ATP7A: variants seen among roughly 807,000 people sequenced by gnomAD.
ATP7A encodes copper-transporting ATPase 1.
ATP7A carries 7 observed loss-of-function variants against 83.5 expected under a neutral mutation model. The observed-to-expected ratio is 0.08, with a 90% CI of 0.05 to 0.16. ATP7A has a LOEUF of 0.16. ATP7A is among the 10% of genes least tolerant of loss of function. ATP7A has a pLI of 1.00. For missense variants in ATP7A, 940 were observed against 1,120.8 expected, an observed-to-expected ratio of 0.84 and a Z score of 2.30; for synonymous variants, 354 against 395.2, an observed-to-expected ratio of 0.90 and a Z score of 1.24.
At chrX:78,003,961 A>G (rs1309359868) in intron 6 of ATP7A, among the ~76,000 whole-genome samples, 1 of 111,444 alleles carries the variant, frequency 9.0e-6, no homozygotes, top group Non-Finnish European at 1.9e-5. Context: ...AGGAATGTGA[A>G]CATTCATAAG....
chrX:77,939,113 T>C (rs1557225364), intron 1 of ATP7A, among the ~76,000 whole-genome samples: 1 of 111,179 alleles, frequency 9.0e-6, no homozygotes, highest in Non-Finnish European at 1.9e-5. Flanking sequence ...CTGGCCAACA[T>C]GGCAAAACCC....
At chrX:78,008,651 C>A (rs2077794348) in intron 6 of ATP7A, among the ~76,000 whole-genome samples, 1 of 110,700 alleles carries the variant, frequency 9.0e-6, no homozygotes, top group African/African-American at 3.3e-5. Context: ...TATCTGGGAC[C>A]ATATATTTGT....
intron 1 of ATP7A, among the ~76,000 whole-genome samples, chrX:77,937,621 TC>T (rs2077327027): frequency 8.9e-6 from 1 of 112,020 alleles, no homozygotes; most frequent in South Asian, 3.6e-4. Flanking sequence ...TGGAATATAC[TC>T]CTTGATTCGT....
intron 1 of ATP7A, among the ~76,000 whole-genome samples, chrX:77,922,244 C>T (rs1383017727): frequency 9.0e-6 from 1 of 111,649 alleles, no homozygotes; most frequent in African/African-American, 3.3e-5. Flanking sequence ...GTGGCTCACG[C>T]CTGTAATCCC....
At chrX:78,021,884 T>C (rs2077908046) in intron 14 of ATP7A, among the ~76,000 whole-genome samples, 1 of 111,233 alleles carries the variant, frequency 9.0e-6, no homozygotes, top group Non-Finnish European at 1.9e-5. Context: ...TGGTCCCAGA[T>C]GAAGCCTGCC....
At chrX:77,916,954 A>C (rs2077188722) in intron 1 of ATP7A, among the ~76,000 whole-genome samples, 1 of 111,446 alleles carries the variant, frequency 9.0e-6, no homozygotes, top group Admixed American at 9.7e-5. Context: ...GGAGTATTTG[A>C]CATGATTTTT....
chrX:78,042,875 T>G, intron 20 of ATP7A, 87 bp downstream of exon 20: 1 of 1,022,658 alleles, frequency 9.8e-7, no homozygotes, highest in Admixed American at 2.2e-5. Context: ...AGCATAACAA[T>G]TCTGTCTTAA....
intron 1 of ATP7A, among the ~76,000 whole-genome samples, chrX:77,919,823 C>T (rs1456265991): frequency 8.9e-6 from 1 of 112,039 alleles, no homozygotes; most frequent in Non-Finnish European, 1.9e-5. Context: ...AAGTCAGTGG[C>T]ATTGAGTGCA....
intron 1 of ATP7A, among the ~76,000 whole-genome samples, chrX:77,945,680 A>G (rs1342374211): frequency 8.9e-6 from 1 of 112,173 alleles, no homozygotes; most frequent in Non-Finnish European, 1.9e-5. Flanking sequence ...AATTTGCCAA[A>G]TTATTTTAAT....
intron 1 of ATP7A, chrX:77,965,403 G>A (rs782281029): frequency 4.3e-4 from 138 of 322,319 alleles, no homozygotes; most frequent in African/African-American, 3.3e-3. Flanking sequence ...TACCCAATAA[G>A]CACATGAAAA....
intron 6 of ATP7A, among the ~76,000 whole-genome samples, chrX:78,005,683 C>CAAAAAAAAAAAAAAAAAAAAAAAAAAAAA (rs1218646073): frequency 3.7e-4 from 5 of 13,696 alleles, no homozygotes; most frequent in Non-Finnish European, 4.9e-4. Flanking sequence ...AACTCCATCT[C>CAAAAAAAAAAAAAAAAAAAAAAAAAAAAA]AAAAAAAAAA....
In ATP7A at chrX:78,038,846, T is replaced by C. The variant is rs1179465472; in HGVS notation, c.3522T>C (p.Asn1174=). ...IIDAQISNAL[N]AQQYKVLIGN... The stretch of plus-strand genomic sequence containing the variant: ...TGTGCCTACTTTCAGATGCTCTTAA[T>C]GCTCAGCAGTATAAAGTCCTCATTG... Residue 1174 remains asparagine, a synonymous_variant, in exon 18 of 23, where the codon AAT becomes AAC. Transcript: ENST00000341514. 2.5e-6 allele frequency: 3 copies of C among 1,209,092 alleles called. No homozygotes were observed. Among genetic ancestry groups the C allele is most frequent in the Admixed American group, 4.4e-5 (2 of 45,750 alleles).
chrX:78,011,402 A>G, intron 8 of ATP7A, 47 bp from the exon 9 acceptor site: 1 of 1,108,246 alleles, frequency 9.0e-7, no homozygotes, highest in Non-Finnish European at 1.2e-6. Flanking sequence ...TTTACCCATT[A>G]GCTATTTATG....
chrX:77,982,930 G>T (rs782429528), intron 2 of ATP7A, among the ~76,000 whole-genome samples: 49 of 112,125 alleles, frequency 4.4e-4, no homozygotes, highest in Admixed American at 1.1e-3. Context: ...TGGAAGCTGG[G>T]AAGTCCAAAA....
chrX:78,000,250 A>G (rs1002848649), intron 5 of ATP7A, among the ~76,000 whole-genome samples: 4 of 111,473 alleles, frequency 3.6e-5, no homozygotes, highest in Non-Finnish European at 7.5e-5. Context: ...CTCAAGGCTA[A>G]AGCTTCTATT....
Position 77,989,659 on chromosome X carries a change from G to T in ATP7A, c.1037G>T (p.Ser346Ile). ...EAVSPGLYRV[S>I]ITSEVESTSN... ...GTATCACCGGGGCTATATAGAGTTA[G>T]TATCACAAGTGAAGTTGAGAGTACC... is the stretch of plus-strand genomic sequence containing the variant. Residue 346 changes from serine (S) to isoleucine (I), a missense_variant, in exon 4 of 23, where the codon AGT becomes ATT. Physicochemically the swap from Ser to Ile is moderately radical, Grantham distance 142. Around this residue, in one of 3 missense-constraint regions of ATP7A, gnomAD observed 350 missense variants for 432.8 expected, o/e 0.81. Transcript: ENST00000341514. The T allele has an allele frequency of 8.3e-7, 1 of 1,211,445 alleles. No individual in the cohort carries two copies. Among genetic ancestry groups the T allele is most frequent in the Admixed American group, 2.2e-5 (1 of 45,993 alleles).
At chrX:77,932,990 G>C (rs2077298234) in intron 1 of ATP7A, among the ~76,000 whole-genome samples, 1 of 111,157 alleles carries the variant, frequency 9.0e-6, no homozygotes, top group African/African-American at 3.3e-5. Flanking sequence ...CTGCAGCATT[G>C]AACTCTTACT....
chrX:78,012,449 T>C (rs782297667), intron 9 of ATP7A, among the ~76,000 whole-genome samples: 40 of 110,636 alleles, frequency 3.6e-4, no homozygotes, highest in African/African-American at 1.3e-3. Flanking sequence ...TAGTTCTTGT[T>C]TTTGCTAGCC....
intron 16 of ATP7A, among the ~76,000 whole-genome samples, chrX:78,032,101 T>G: frequency 8.9e-6 from 1 of 112,514 alleles, no homozygotes; most frequent in East Asian, 2.8e-4. Context: ...CATATACGTA[T>G]TTATCATCTT....
Sources: gnomAD v4.1 joint callset for allele counts (sites outside exome capture counted in the v4.1 genomes callset) on GRCh38, gnomAD v4.1.1 for gene constraint, gnomAD v4.1.1 regional missense constraint, MANE v1.5 for transcripts, NCBI Gene and HGNC (gene_info 2026-07-23, HGNC 2026-07-21) for gene names.